DDX52: variants seen among roughly 807,000 people sequenced by gnomAD.
DDX52 encodes DExD-box helicase 52.
DDX52 carries 59 observed loss-of-function variants against 76.1 expected under a neutral mutation model. That is an observed-to-expected ratio of 0.78 (90% CI 0.63 to 0.96). DDX52 has a LOEUF of 0.96. DDX52 is among the 40% of genes least tolerant of loss of function. The probability of loss-of-function intolerance (pLI) is 0.00; values close to 1 mark genes in which losing one functional copy is unlikely to be tolerated. For missense variants in DDX52, 707 were observed against 703.9 expected, an observed-to-expected ratio of 1.00 and a Z score of -0.05; for synonymous variants, 231 against 244.1, an observed-to-expected ratio of 0.95 and a Z score of 0.50.
At chr17:37,621,007 CAT>C (rs1467037166) in intron 11 of DDX52, 59 bp from the exon 12 acceptor site, 9 of 1,562,062 alleles carry the variant, frequency 5.8e-6, no homozygotes, top group Admixed American at 2.1e-5. Flanking sequence ...TCTCAAAATT[CAT>C]TTATAAAAGT....
rs1382754966 is a variant in DDX52 at position 37,610,201 on chromosome 17, G to C, written c.*4095C>G. 1 of 150,808 alleles carries C rather than the reference G, an allele frequency of 6.6e-6. No individual in the cohort carries two copies. Among genetic ancestry groups the C allele is most frequent in the Non-Finnish European group, 1.5e-5 (1 of 68,224 alleles). The allele number at this position is 150,808 out of a possible 1,614,324, so 9.3% of individuals were successfully genotyped here. A position where few individuals can be genotyped will look rare whatever the true frequency, so the allele number is the denominator to read the frequency against. ...TGCAGTGGCATGATCATGGCTCACAGCAGCCTCAGCCTCCCTGGCTCAAGC... is the reference window on the plus strand; with the variant it reads ...TGCAGTGGCATGATCATGGCTCACACCAGCCTCAGCCTCCCTGGCTCAAGC... On this transcript the variant is annotated 3_prime_UTR_variant, in exon 15 of 15. Transcript: ENST00000617633.
chr17:37,642,258 C>T lies in DDX52; in HGVS notation c.138G>A (p.Leu46=), dbSNP rs1175135685. 1 of 1,613,952 alleles carries T rather than the reference C, an allele frequency of 6.2e-7. No individual in the cohort carries two copies. The highest frequency in any genetic ancestry group is 8.5e-7 in the Non-Finnish European group (1 of 1,180,024). Residue 46 remains leucine, a synonymous_variant, in exon 2 of 15, where the codon CTG becomes CTA. Transcript: ENST00000617633. Reference sequence around the variant, plus strand: ...CAGACTTCTTGTTTCCAAAAAAGTCCAGTCCCTGAAGCACCTCCGAAGAAT... The same window carrying T: ...CAGACTTCTTGTTTCCAAAAAAGTCTAGTCCCTGAAGCACCTCCGAAGAAT... ...DFDSSEVLQG[L]DFFGNKKSVP...
At position 37,643,409 on chromosome 17, in the gene DDX52, G is replaced by T; in HGVS notation, c.12C>A (p.His4Gln). The change falls in exon 1 of 15, where the codon CAC becomes CAA. Residue 4 changes from histidine to glutamine, a missense_variant. Transcript: ENST00000617633. ...CCGCGCCGAGCCGGCGAAAGAGATC[G>T]TGGACGTCCATCTTTACCCAGAAAG... MDV[H>Q]DLFRRLGAGA... 1 of 1,613,968 alleles carries T rather than the reference G, an allele frequency of 6.2e-7. No homozygotes were observed. Among genetic ancestry groups the T allele is most frequent in the Non-Finnish European group, 8.5e-7 (1 of 1,179,946 alleles).
At chr17:37,620,785 C>A in intron 12 of DDX52, 88 bp downstream of exon 12, 1 of 1,280,706 alleles carries the variant, frequency 7.8e-7, no homozygotes, top group Non-Finnish European at 1.0e-6. Flanking sequence ...GGGACATAGC[C>A]ATTTTGTAAT....
Position 37,626,808 on chromosome 17 carries a change from G to A in DDX52, c.912C>T (p.Pro304=), listed in dbSNP as rs1443726845. ...TATACCTTGCTAGGTCGATTCCGGG[G>A]GGATCTTGCTTTAATAAATAGATTA... The part of the protein sequence containing the change: ...NRLIYLLKQD[P]PGIDLASVEW... Residue 304 remains proline (P), a synonymous_variant, in exon 7 of 15, where the codon CCC becomes CCT. Coordinates refer to ENST00000617633, the MANE Select transcript of DDX52 (RefSeq NM_007010.5). The A allele has an allele frequency of 3.7e-6, 6 of 1,611,508 alleles. No homozygotes were observed. Among genetic ancestry groups the A allele is most frequent in the Non-Finnish European group, 5.1e-6 (6 of 1,179,222 alleles).
rs144076193 is a variant in DDX52 at position 37,619,135 on chromosome 17, T to C, written c.1649+633A>G. 5.3e-3 allele frequency among the ~76,000 whole-genome samples: 802 copies of C among 152,216 alleles called. 3 individuals are homozygous for C. The highest frequency in any genetic ancestry group is 0.018 in the African/African-American group (748 of 41,542). ...AGCTCATGCCTATAATCCCAGCACT[T>C]TGGGAGGCCCAGGTGGGCAGATCAC... is the stretch of plus-strand genomic sequence containing the variant. On this transcript the variant is annotated intron_variant, in intron 13 of 14. Coordinates refer to ENST00000617633, the MANE Select transcript of DDX52 (RefSeq NM_007010.5).
chr17:37,621,676 C>G (rs111798655), intron 9 of DDX52, among the ~76,000 whole-genome samples, 156 bp from the exon 10 acceptor site: 8 of 152,300 alleles, frequency 5.3e-5, no homozygotes, highest in African/African-American at 1.9e-4. Context: ...CCTCCATCTT[C>G]GTCACCATTC....
Position 37,621,490 on chromosome 17 carries a change from G to T in DDX52, c.1258C>A (p.Gln420Lys). The T allele has an allele frequency of 6.2e-7, 1 of 1,612,714 alleles. No homozygotes were observed. Among genetic ancestry groups the T allele is most frequent in the South Asian group, 1.1e-5 (1 of 90,690 alleles). The change falls in exon 10 of 15, where the codon CAG becomes AAG. Residue 420 changes from glutamine (Q) to lysine (K), a missense_variant. Coordinates refer to ENST00000617633, the MANE Select transcript of DDX52 (RefSeq NM_007010.5). ...AGTTCTTTAGCCCTTTCAATGGACT[G>T]AACAAAAACAAGAACAGGTGGATTG... ...GFNPPVLVFVQSIERAKELFH... is the reference protein window; with the variant it reads ...GFNPPVLVFVKSIERAKELFH...
intron 2 of DDX52, among the ~76,000 whole-genome samples, chr17:37,638,335 G>C (rs1435987012): frequency 6.6e-6 from 1 of 152,224 alleles, no homozygotes; most frequent in East Asian, 1.9e-4. Context: ...TGATTCTGTA[G>C]ATCACTGTAG....
Position 37,624,117 on chromosome 17 carries a change from A to G in DDX52, c.1227+227T>C, listed in dbSNP as rs372149305. 14 of 313,772 alleles carry G rather than the reference A, an allele frequency of 4.5e-5. No individual in the cohort carries two copies. In the East Asian group the frequency reaches 6.3e-4, roughly 14 times the overall value. 19.4% of individuals were successfully genotyped at this position (313,772 alleles called of 1,614,324 possible). A position where few individuals can be genotyped will look rare whatever the true frequency, so the allele number is the denominator to read the frequency against. On this transcript the variant is annotated intron_variant, in intron 9 of 14. Transcript: ENST00000617633. Reference sequence around the variant, plus strand: ...GAGAGGCAAGCTTCTGTCCCTTGGGATAAGAGCTGGGACAACACGCTTCTT... The same window carrying G: ...GAGAGGCAAGCTTCTGTCCCTTGGGGTAAGAGCTGGGACAACACGCTTCTT...
intron 9 of DDX52, 79 bp downstream of exon 9, chr17:37,624,265 T>G (rs894889105): frequency 2.9e-6 from 3 of 1,028,376 alleles, no homozygotes. Context: ...GATACAGTGC[T>G]ACCACTGTAA....
intron 14 of DDX52, among the ~76,000 whole-genome samples, chr17:37,616,242 C>G (rs144146344): frequency 6.6e-6 from 1 of 152,312 alleles, no homozygotes; most frequent in East Asian, 1.9e-4. Flanking sequence ...CTCCTACCAA[C>G]AAGTCTATTA....
At chr17:37,641,054 T>TGAAATATTAATG (rs2031171034) in intron 2 of DDX52, among the ~76,000 whole-genome samples, 2 of 151,778 alleles carry the variant, frequency 1.3e-5, no homozygotes, top group African/African-American at 2.4e-5. Flanking sequence ...GAAGAAACAA[T>TGAAATATTAATG]TCACAAAAGG....
Position 37,614,341 on chromosome 17 carries a change from A to G in DDX52, c.1755T>C (p.Thr585=), listed in dbSNP as rs1229177540. The change falls in exon 15 of 15, where the codon ACT becomes ACC. Residue 585 remains threonine (T), a synonymous_variant. Coordinates refer to ENST00000617633, the MANE Select transcript of DDX52 (RefSeq NM_007010.5). ...CTACTTTCTTCTTGCTGTTCTGACC[A>G]GTGACCTTTTTCCTGTAAAGAGCAA... The part of the protein sequence containing the change: ...EKAKDKQKKV[T]GQNSKKKVAL... The G allele has an allele frequency of 6.2e-7, 1 of 1,611,418 alleles. No homozygotes were observed. Among genetic ancestry groups the G allele is most frequent in the East Asian group, 2.2e-5 (1 of 44,842 alleles).
Position 37,619,802 on chromosome 17 carries a change from G to C in DDX52, c.1615C>G (p.Pro539Ala). 6.2e-7 allele frequency: 1 copy of C among 1,613,894 alleles called. No individual in the cohort carries two copies. Among genetic ancestry groups the C allele is most frequent in the Non-Finnish European group, 8.5e-7 (1 of 1,179,964 alleles). ...TTCTGAAAACCTTTTATGTATTCTG[G>C]TACAGGACACCCAGCCTGCTGTATA... ...NVIQQAGCPV[P>A]EYIKGFQKLL... Residue 539 changes from proline (P) to alanine (A), a missense_variant, in exon 13 of 15, where the codon CCA becomes GCA. Pro to Ala is a conservative substitution (Grantham distance 27). Transcript: ENST00000617633.
chr17:37,627,714 A>C (rs2030461122), intron 6 of DDX52, among the ~76,000 whole-genome samples: 1 of 152,102 alleles, frequency 6.6e-6, no homozygotes. Context: ...AAAAAGAAAA[A>C]AAAAAAAAAT....
rs2054235367 is a variant in DDX52 at position 37,610,921 on chromosome 17, A to G, written c.*3375T>C. The G allele has an allele frequency of 6.6e-6, 1 of 152,256 alleles. No individual in the cohort carries two copies. Among genetic ancestry groups the G allele is most frequent in the Non-Finnish European group, 1.5e-5 (1 of 68,044 alleles). The allele number at this position is 152,256 out of a possible 1,614,324, so 9.4% of individuals were successfully genotyped here. On this transcript the variant is annotated 3_prime_UTR_variant, in exon 15 of 15. Coordinates refer to ENST00000617633, the MANE Select transcript of DDX52 (RefSeq NM_007010.5). Reference sequence around the variant, plus strand: ...TAGCACATAGTTCCAACTGCTTTGAAGGAGCTAAATTTAGTATTAATACAC... The same window carrying G: ...TAGCACATAGTTCCAACTGCTTTGAGGGAGCTAAATTTAGTATTAATACAC...
At position 37,612,239 on chromosome 17, in the gene DDX52, T is replaced by G. The variant is rs2064376528; in HGVS notation, c.*2057A>C. On this transcript the variant is annotated 3_prime_UTR_variant, in exon 15 of 15. Transcript: ENST00000617633. ...CTATGCCACCACACCCGGCTAACTT[T>G]TTTTGGTATTTTTTTTAGTAGAGAT... 1.3e-5 allele frequency: 2 copies of G among 151,886 alleles called. No homozygotes were observed. The highest frequency in any genetic ancestry group is 4.2e-4 in the South Asian group (2 of 4,810). The allele number at this position is 151,886 out of a possible 1,614,324, so 9.4% of individuals were successfully genotyped here.
In DDX52 at chr17:37,624,389, T is replaced by G. The variant is rs369747607; in HGVS notation, c.1182A>C (p.Gly394=). Residue 394 remains glycine, a synonymous_variant, in exon 9 of 15, where the codon GGA becomes GGC. Transcript: ENST00000617633. The part of the protein sequence containing the change: ...ETVEQELLFV[G]SETGKLLAVR... ...CGGCCAGAAGTTTTCCGGTCTCAGA[T>G]CCAACAAAGAGAAGCTCTTGTTCTA... The G allele has an allele frequency of 8.7e-6, 14 of 1,608,934 alleles. No homozygotes were observed. Among genetic ancestry groups the G allele is most frequent in the Non-Finnish European group, 1.2e-5 (14 of 1,176,664 alleles).
Sources: gnomAD v4.1 joint callset for allele counts (sites outside exome capture counted in the v4.1 genomes callset) on GRCh38, gnomAD v4.1.1 for gene constraint, MANE v1.5 for transcripts, NCBI Gene and HGNC (gene_info 2026-07-23, HGNC 2026-07-21) for gene names.